KPNA1: variants seen among roughly 807,000 people sequenced by gnomAD.
The protein encoded by KPNA1 is karyopherin subunit alpha 1.
A neutral mutation model predicts 70.5 loss-of-function variants in KPNA1; 10 were observed. That is an observed-to-expected ratio of 0.14 (90% CI 0.09 to 0.24). The LOEUF (loss-of-function observed/expected upper bound fraction) is 0.24, where lower values mean the gene tolerates loss of function less well. Ranked by LOEUF, KPNA1 falls within the 10% of genes least tolerant of loss-of-function variation. KPNA1 has a pLI of 1.00. For synonymous variants in KPNA1, 192 were observed against 221.9 expected, an observed-to-expected ratio of 0.87 and a Z score of 1.20; for missense variants, 397 against 637.9, an observed-to-expected ratio of 0.62 and a Z score of 4.07.
At chr3:122,456,558 A>G (rs1015027600) in intron 5 of KPNA1, among the ~76,000 whole-genome samples, 7 of 152,236 alleles carry the variant, frequency 4.6e-5, no homozygotes, top group African/African-American at 1.4e-4. Context: ...GTTTAGCACC[A>G]AAGATCTCAG....
chr3:122,462,792 T>G (rs1315235338), intron 4 of KPNA1, among the ~76,000 whole-genome samples: 3 of 152,216 alleles, frequency 2.0e-5, no homozygotes, highest in Non-Finnish European at 4.4e-5. Flanking sequence ...AAATCACTAA[T>G]GACTCTAAAC....
intron 1 of KPNA1, among the ~76,000 whole-genome samples, chr3:122,513,315 A>G (rs896853296): frequency 1.1e-4 from 17 of 152,332 alleles, no homozygotes; most frequent in Middle Eastern, 6.8e-3. Flanking sequence ...AACTCAATAA[A>G]TGTTAATTCC....
chr3:122,463,699 A>G lies in KPNA1; in HGVS notation c.337+243T>C, dbSNP rs116714717. ...CATGATACTGACTACTATTCACTAT[A>G]AAGTCTTTTATAAAATAACCCAAAA... On this transcript the variant is annotated intron_variant, in intron 4 of 13. Transcript: ENST00000344337. Among the ~76,000 whole-genome samples the G allele has an allele frequency of 8.9e-3, 1,349 of 152,300 alleles. 21 individuals carry two copies. Among genetic ancestry groups the G allele is most frequent in the African/African-American group, 0.029 (1,222 of 41,562 alleles).
chr3:122,443,117 A>G (rs2076087263), intron 9 of KPNA1: 1 of 152,362 alleles, frequency 6.6e-6, no homozygotes, highest in Non-Finnish European at 1.5e-5. Flanking sequence ...TGCTTTTCCC[A>G]CAGTCTTAGC....
chr3:122,464,765 A>G (rs2076362164), intron 3 of KPNA1, among the ~76,000 whole-genome samples: 1 of 152,174 alleles, frequency 6.6e-6, no homozygotes, highest in African/African-American at 2.4e-5. Flanking sequence ...TTTTCTTCTC[A>G]GGGTCATTTG....
At chr3:122,440,485 C>T (rs2877602) in intron 10 of KPNA1, among the ~76,000 whole-genome samples, 23,209 of 152,070 alleles carry the variant, frequency 0.15, 2,350 homozygotes, top group Admixed American at 0.26. Context: ...CAAAAGCATA[C>T]AGCATATGGA....
chr3:122,462,907 T>C (rs963086813), intron 4 of KPNA1, among the ~76,000 whole-genome samples: 5 of 152,126 alleles, frequency 3.3e-5, no homozygotes, highest in African/African-American at 1.2e-4. Context: ...TCAGATTCCA[T>C]TCTACACTAA....
intron 2 of KPNA1, among the ~76,000 whole-genome samples, chr3:122,478,896 A>AAAC (rs2076537652): frequency 6.9e-6 from 1 of 145,652 alleles, no homozygotes; most frequent in African/African-American, 2.5e-5. Context: ...CCTCGTCTCA[A>AAAC]AAAAAAAAAA....
chr3:122,494,282 T>C (rs1559751905), intron 2 of KPNA1, among the ~76,000 whole-genome samples: 1 of 152,236 alleles, frequency 6.6e-6, no homozygotes, highest in Non-Finnish European at 1.5e-5. Flanking sequence ...GTTATACATT[T>C]AATTATTGAA....
At chr3:122,449,171 C>T (rs573319414) in intron 9 of KPNA1, among the ~76,000 whole-genome samples, 1 of 152,226 alleles carries the variant, frequency 6.6e-6, no homozygotes, top group South Asian at 2.1e-4. Context: ...AAAAGCATCA[C>T]GGAGATGATA....
In KPNA1 at chr3:122,449,733, G is replaced by C. The variant is rs751263599; in HGVS notation, c.758C>G (p.Ser253Cys). The C allele has an allele frequency of 1.4e-5, 23 of 1,605,160 alleles. No homozygotes were observed. The highest frequency in any genetic ancestry group is 2.0e-5 in the Non-Finnish European group (23 of 1,177,498). ...CCAGGAAAGCACATTCAGACATGGA[G>C]AAACCTGTAAAAGGAAAATGATGAT... ...KSPPPEFAKV[S>C]PCLNVLSWLL... Residue 253 changes from serine (S) to cysteine (C), a missense_variant, in exon 9 of 14, where the codon TCT becomes TGT. Physicochemically the swap from Ser to Cys is moderately radical, Grantham distance 112. Transcript: ENST00000344337.
At position 122,426,752 on chromosome 3, in the gene KPNA1, T is replaced by G. The variant is rs1056287600; in HGVS notation, c.*233A>C. 5 of 411,356 alleles carry G rather than the reference T, an allele frequency of 1.2e-5. No individual in the cohort carries two copies. Among genetic ancestry groups the G allele is most frequent in the Non-Finnish European group, 2.2e-5 (5 of 230,900 alleles). 25.5% of individuals were successfully genotyped at this position (411,356 alleles called of 1,614,324 possible). A position where few individuals can be genotyped will look rare whatever the true frequency, so the allele number is the denominator to read the frequency against. ...TCTCCAAAGCCTAGGGATTTTTCCG[T>G]AAAAGAGAGTGGGCCGTTCTGGTTA... On this transcript the variant is annotated 3_prime_UTR_variant, in exon 14 of 14. Transcript: ENST00000344337.
intron 1 of KPNA1, among the ~76,000 whole-genome samples, chr3:122,505,406 G>A (rs946972149): frequency 1.1e-4 from 16 of 152,186 alleles, no homozygotes; most frequent in African/African-American, 3.9e-4. Context: ...AAGTTGGACT[G>A]AAGATAGCTT....
rs2075808874 is a variant in KPNA1, at chr3:122,425,390, T to C, written c.*1595A>G. The C allele has an allele frequency of 6.6e-6, 1 of 152,640 alleles. No homozygotes were observed. Among genetic ancestry groups the C allele is most frequent in the African/African-American group, 2.4e-5 (1 of 41,454 alleles). 9.5% of individuals were successfully genotyped at this position (152,640 alleles called of 1,614,324 possible). On this transcript the variant is annotated 3_prime_UTR_variant, in exon 14 of 14. Transcript: ENST00000344337. ...TACACTTTGGGGTTATAATGAATTC[T>C]AGAAGAGGACAAGTCTAAAAAGGTT... is the stretch of plus-strand genomic sequence containing the variant.
Position 122,459,683 on chromosome 3 carries a change from T to C in KPNA1, c.432+1541A>G, listed in dbSNP as rs532114663. The C allele has an allele frequency of 9.4e-5, 93 of 985,486 alleles. No individual in the cohort carries two copies. The African/African-American group carries it at 1.5e-3, about 16-fold the overall frequency. The allele number at this position is 985,486 out of a possible 1,614,324, so 61.0% of individuals were successfully genotyped here. A position where few individuals can be genotyped will look rare whatever the true frequency, so the allele number is the denominator to read the frequency against. The stretch of plus-strand genomic sequence containing the variant: ...CCAGAATTACAATCCAGGAGGCAGC[T>C]AGCAAAACAGAACCTTAATTCAAAT... On this transcript the variant is annotated intron_variant, in intron 5 of 13. Coordinates refer to ENST00000344337, the MANE Select transcript of KPNA1 (RefSeq NM_002264.4).
chr3:122,461,174 A>T, intron 5 of KPNA1, 50 bp downstream of exon 5: 1 of 1,203,494 alleles, frequency 8.3e-7, no homozygotes, highest in Non-Finnish European at 1.2e-6. Flanking sequence ...CAAAATAAAA[A>T]TTTTCAAAAG....
intron 12 of KPNA1, among the ~76,000 whole-genome samples, chr3:122,432,097 C>T (rs1452742835): frequency 6.6e-6 from 1 of 152,118 alleles, no homozygotes; most frequent in Non-Finnish European, 1.5e-5. Flanking sequence ...CCGCTGCACC[C>T]GGCCTGGCTT....
rs2075776922 is a variant in KPNA1, at chr3:122,422,777, G to T, written c.*4208C>A. ...TTTGGAAGACTACATGAGAAAAAAG[G>T]AAAGCCCTTAGCCAGGTATCTGGTG... On this transcript the variant is annotated 3_prime_UTR_variant, in exon 14 of 14. Transcript: ENST00000344337. 1 of 152,194 alleles carries T rather than the reference G, an allele frequency of 6.6e-6. No individual in the cohort carries two copies. Among genetic ancestry groups the T allele is most frequent in the African/African-American group, 2.4e-5 (1 of 41,450 alleles). 9.4% of individuals were successfully genotyped at this position (152,194 alleles called of 1,614,324 possible).
In KPNA1 at chr3:122,467,379, T is replaced by A; in HGVS notation, c.180A>T (p.Glu60Asp). 3.1e-6 allele frequency: 5 copies of A among 1,610,598 alleles called. No homozygotes were observed. The highest frequency in any genetic ancestry group is 4.2e-6 in the Non-Finnish European group (5 of 1,177,626). The change falls in exon 3 of 14, where the codon GAA (glutamate) becomes GAT (aspartate). Residue 60 changes from glutamate to aspartate, a missense_variant. Transcript: ENST00000344337. ...VATAEEETEE[E>D]VMSDGGFHEA... ...CATGAAAGCCTCCATCTGACATAAC[T>A]TCTTCTTCTGTTTCTTCTTCTGCTG...
Sources: allele counts gnomAD v4.1 joint callset (sites outside exome capture counted in the v4.1 genomes callset), GRCh38; gene constraint gnomAD v4.1.1; transcripts MANE v1.5; gene names NCBI Gene and HGNC (gene_info 2026-07-23, HGNC 2026-07-21).